The following EDIL3 variants were observed in gnomAD, a reference collection of about 807,000 sequenced individuals.
EDIL3 encodes the protein EGF like and discoidin domains 3.
In EDIL3, 37 loss-of-function variants were observed where a neutral mutation model predicts 67.4. The observed-to-expected ratio is 0.55, with a 90% CI of 0.42 to 0.72. The LOEUF is 0.72. Among genes scored for constraint, EDIL3 ranks in the 30% least tolerant of loss-of-function variants. EDIL3 has a pLI of 0.00. For synonymous variants in EDIL3, 195 were observed against 196.3 expected, an observed-to-expected ratio of 0.99 and a Z score of 0.05; for missense variants, 527 against 586.3, an observed-to-expected ratio of 0.90 and a Z score of 1.04.
At chr5:84,226,426 T>C (rs1040257938) in intron 3 of EDIL3, among the ~76,000 whole-genome samples, 7 of 151,770 alleles carry the variant, frequency 4.6e-5, no homozygotes, top group African/African-American at 1.7e-4. Flanking sequence ...ACTATTCCTT[T>C]AAAAAATTAA....
chr5:84,036,292 A>G (rs1746020663), intron 9 of EDIL3, among the ~76,000 whole-genome samples: 1 of 152,170 alleles, frequency 6.6e-6, no homozygotes. Flanking sequence ...CTGTATCTAG[A>G]TTAGATCTTA....
intron 1 of EDIL3, among the ~76,000 whole-genome samples, chr5:84,298,813 T>G (rs192125921): frequency 4.1e-4 from 63 of 152,292 alleles, no homozygotes; most frequent in Admixed American, 3.5e-3. Context: ...GACAACACTC[T>G]GTTCCCTTGG....
Position 84,180,530 on chromosome 5 carries a change from C to T in EDIL3, c.227-9G>A, listed in dbSNP as rs759983963. On this transcript the variant is annotated splice_polypyrimidine_tract_variant and intron_variant, in intron 3 of 10. Transcript: ENST00000296591. ...ATTAGGAGTGCAGGGACCTGAAAGA[C>T]AGAAAAAAATATTTCTGCTTGATGC... 1.9e-6 allele frequency: 3 copies of T among 1,553,600 alleles called. No individual in the cohort carries two copies. The South Asian group carries it at 3.7e-5, about 19-fold the overall frequency.
intron 1 of EDIL3, among the ~76,000 whole-genome samples, chr5:84,370,002 C>T (rs1021653411): frequency 9.9e-5 from 15 of 152,074 alleles, no homozygotes; most frequent in African/African-American, 3.6e-4. Flanking sequence ...AACCAAACAA[C>T]GATAATTGCC....
At chr5:84,288,300 G>C (rs544013171) in intron 1 of EDIL3, among the ~76,000 whole-genome samples, 2 of 151,984 alleles carry the variant, frequency 1.3e-5, no homozygotes, top group African/African-American at 4.8e-5. Context: ...TCTAACACCC[G>C]AGTTCAATCC....
At chr5:83,973,861 AT>A (rs1394519030) in intron 9 of EDIL3, among the ~76,000 whole-genome samples, 1 of 152,012 alleles carries the variant, frequency 6.6e-6, no homozygotes. Flanking sequence ...AAAAACCACA[AT>A]TACTTTTGGA....
intron 9 of EDIL3, among the ~76,000 whole-genome samples, chr5:84,030,928 A>AT (rs35162260): frequency 0.19 from 28,616 of 151,278 alleles, 3,001 homozygotes; most frequent in Admixed American, 0.24. Context: ...AAAAAACAAC[A>AT]TTTTTTTTTC....
At chr5:84,107,007 C>A (rs186253535) in intron 5 of EDIL3, among the ~76,000 whole-genome samples, 177 bp from the exon 6 acceptor site, 1 of 152,186 alleles carries the variant, frequency 6.6e-6, no homozygotes, top group Non-Finnish European at 1.5e-5. Context: ...ATAATTCTTG[C>A]TTCTCATGAC....
At chr5:84,277,351 G>A (rs1162542449) in intron 1 of EDIL3, among the ~76,000 whole-genome samples, 2 of 152,048 alleles carry the variant, frequency 1.3e-5, no homozygotes, top group Non-Finnish European at 2.9e-5. Flanking sequence ...CACAAAATCT[G>A]CGGACACCTT....
intron 1 of EDIL3, among the ~76,000 whole-genome samples, chr5:84,357,957 C>A (rs185564646): frequency 2.0e-5 from 3 of 151,126 alleles, no homozygotes; most frequent in African/African-American, 7.3e-5. Context: ...ATACTCCAAC[C>A]ATTTCTTTCT....
intron 5 of EDIL3, among the ~76,000 whole-genome samples, chr5:84,109,437 C>T (rs1162409639): frequency 3.3e-5 from 5 of 151,928 alleles, no homozygotes; most frequent in African/African-American, 1.2e-4. Flanking sequence ...AGCCAGGAGG[C>T]GGAGGTTGCA....
intron 1 of EDIL3, among the ~76,000 whole-genome samples, chr5:84,353,948 A>C (rs1477849262): frequency 6.6e-6 from 1 of 152,196 alleles, no homozygotes; most frequent in Non-Finnish European, 1.5e-5. Flanking sequence ...TTTAAATGAA[A>C]ACTAACTTTA....
chr5:84,097,679 A>G (rs1319310594), intron 6 of EDIL3, among the ~76,000 whole-genome samples: 1 of 152,156 alleles, frequency 6.6e-6, no homozygotes, highest in Middle Eastern at 3.2e-3. Flanking sequence ...TGTGGAATAC[A>G]TGAATAAATT....
chr5:84,236,005 T>C (rs1245139112), intron 2 of EDIL3, among the ~76,000 whole-genome samples: 1 of 152,074 alleles, frequency 6.6e-6, no homozygotes, highest in African/African-American at 2.4e-5. Flanking sequence ...AACCACAAAA[T>C]GTACTTTTAA....
At chr5:84,368,403 G>A (rs191358853) in intron 1 of EDIL3, among the ~76,000 whole-genome samples, 1 of 152,254 alleles carries the variant, frequency 6.6e-6, no homozygotes. Flanking sequence ...TTCAACAAAT[G>A]TTGCTGGTAG....
chr5:84,282,137 C>G (rs1215964812), intron 1 of EDIL3, among the ~76,000 whole-genome samples: 1 of 151,798 alleles, frequency 6.6e-6, no homozygotes, highest in Non-Finnish European at 1.5e-5. Context: ...TCCCAAAGTG[C>G]TGGGATTACA....
intron 3 of EDIL3, among the ~76,000 whole-genome samples, chr5:84,224,875 T>C (rs1000246626): frequency 2.6e-5 from 4 of 151,596 alleles, no homozygotes; most frequent in Admixed American, 6.6e-5. Context: ...TTAGATTAAA[T>C]ATATCACTTC....
chr5:84,221,243 ATTGT>A (rs760188343), intron 3 of EDIL3, among the ~76,000 whole-genome samples: 21 of 152,218 alleles, frequency 1.4e-4, no homozygotes, highest in Admixed American at 5.2e-4. Context: ...TATTATTTTA[ATTGT>A]TTATGCCAAG....
chr5:83,979,456 A>G (rs1744928377), intron 9 of EDIL3, among the ~76,000 whole-genome samples: 1 of 152,112 alleles, frequency 6.6e-6, no homozygotes, highest in African/African-American at 2.4e-5. Context: ...TATATAATAA[A>G]CTTATCTGTA....
Sources: allele counts gnomAD v4.1 joint callset (sites outside exome capture counted in the v4.1 genomes callset), GRCh38; gene constraint gnomAD v4.1.1; transcripts MANE v1.5; gene names NCBI Gene and HGNC (gene_info 2026-07-23, HGNC 2026-07-21).